HADH: variants seen among roughly 807,000 people sequenced by gnomAD.
HADH encodes the protein hydroxyacyl-coenzyme A dehydrogenase, mitochondrial.
Under a neutral mutation model 32.2 loss-of-function variants are expected in HADH, and 24 were observed. That is an observed-to-expected ratio of 0.75 (90% CI 0.54 to 1.05). The LOEUF (loss-of-function observed/expected upper bound fraction) is 1.05, where lower values mean the gene tolerates loss of function less well. Among genes scored for constraint, HADH ranks in the 50% least tolerant of loss-of-function variants. The pLI is 0.00. For synonymous variants in HADH, 139 were observed against 152.5 expected, an observed-to-expected ratio of 0.91 and a Z score of 0.65; for missense variants, 350 against 397.1, an observed-to-expected ratio of 0.88 and a Z score of 1.01.
chr4:108,011,051 G>A (rs1448420417), intron 2 of HADH, among the ~76,000 whole-genome samples: 1 of 152,022 alleles, frequency 6.6e-6, no homozygotes, highest in African/African-American at 2.4e-5. Context: ...GTTTCACCAT[G>A]TTGGCCAGGA....
At chr4:108,002,965 T>G (rs564250771) in intron 1 of HADH, among the ~76,000 whole-genome samples, 1 of 152,352 alleles carries the variant, frequency 6.6e-6, no homozygotes, top group South Asian at 2.1e-4. Flanking sequence ...ACACATTAAC[T>G]TCTTTAATCC....
chr4:108,007,146 C>T (rs1456007536), intron 1 of HADH, among the ~76,000 whole-genome samples: 1 of 151,964 alleles, frequency 6.6e-6, no homozygotes, highest in Admixed American at 6.6e-5. Context: ...TCGCTCTGTC[C>T]CTCAGGCTGG....
chr4:108,018,888 A>G (rs1487258093), intron 3 of HADH, among the ~76,000 whole-genome samples: 1 of 151,932 alleles, frequency 6.6e-6, no homozygotes, highest in African/African-American at 2.4e-5. Flanking sequence ...GTCAGTATGG[A>G]TTTTTTTTAA....
chr4:108,028,788 T>A (rs1243929214), intron 6 of HADH: 1 of 398,340 alleles, frequency 2.5e-6, no homozygotes, highest in African/African-American at 2.1e-5. Context: ...TTTTAGAATG[T>A]AGCATGTGAG....
chr4:107,999,028 C>T (rs1021570345), intron 1 of HADH, among the ~76,000 whole-genome samples: 3 of 152,166 alleles, frequency 2.0e-5, no homozygotes, highest in African/African-American at 7.2e-5. Context: ...ACAATAAATG[C>T]TTTCGCCAAT....
At position 108,019,538 on chromosome 4, in the gene HADH, A is replaced by G; in HGVS notation, c.420-2A>G. Reference sequence around the variant, plus strand: ...TACTCCCACTATATTTTCTCTTCACAGACATACAATCTTTGCCAGCAACAC... The same window carrying G: ...TACTCCCACTATATTTTCTCTTCACGGACATACAATCTTTGCCAGCAACAC... On this transcript the variant is annotated splice_acceptor_variant, in intron 3 of 7. Coordinates refer to ENST00000309522, the MANE Select transcript of HADH (RefSeq NM_005327.7). LOFTEE classifies it high-confidence loss of function. 1 of 1,613,552 alleles carries G rather than the reference A, an allele frequency of 6.2e-7. No homozygotes were observed. The highest frequency in any genetic ancestry group is 8.5e-7 in the Non-Finnish European group (1 of 1,179,462).
chr4:108,022,163 A>ATG (rs1452653535), intron 4 of HADH, among the ~76,000 whole-genome samples: 9 of 53,558 alleles, frequency 1.7e-4, no homozygotes, highest in African/African-American at 3.6e-4. Context: ...TTTTACATAT[A>ATG]TATATGTGTG....
chr4:107,995,474 G>A (rs908280341), intron 1 of HADH, among the ~76,000 whole-genome samples: 1 of 152,104 alleles, frequency 6.6e-6, no homozygotes, highest in East Asian at 1.9e-4. Flanking sequence ...CTTCACTGTC[G>A]GAAGAGTTTT....
chr4:108,009,707 G>A (rs375989890), intron 1 of HADH, 52 bp from the exon 2 acceptor site: 29 of 1,580,872 alleles, frequency 1.8e-5, no homozygotes, highest in Non-Finnish European at 2.4e-5. Context: ...GTGTGCGCGT[G>A]CGTGTTATGT....
intron 4 of HADH, among the ~76,000 whole-genome samples, chr4:108,022,201 A>ATGTGTGTGTGTGTGTGTGTGTGTGTG (rs56746496): frequency 7.2e-6 from 1 of 139,666 alleles, no homozygotes. Context: ...GTGTGTGTGT[A>ATGTGTGTGTGTGTGTGTGTGTGTGTG]TGTGTGTGTG....
chr4:108,016,814 ACT>A (rs1165582256), intron 3 of HADH, among the ~76,000 whole-genome samples: 1 of 152,136 alleles, frequency 6.6e-6, no homozygotes, highest in African/African-American at 2.4e-5. Context: ...TCTGGCTCTA[ACT>A]CTCTAAGACT....
chr4:107,994,171 A>C lies in HADH; in HGVS notation c.132+4107A>C, dbSNP rs553011860. On this transcript the variant is annotated intron_variant, in intron 1 of 7. Coordinates refer to ENST00000309522, the MANE Select transcript of HADH (RefSeq NM_005327.7). ...CTTTTTAGTGCACTACTCTTCTTTG[A>C]GGAAGTGAGAAAGTTTGCATCTTAA... Among the ~76,000 whole-genome samples the C allele has an allele frequency of 2.0e-5, 3 of 151,886 alleles. No homozygotes were observed. In the South Asian group the frequency reaches 6.2e-4, roughly 32 times the overall value.
At chr4:108,022,920 TC>T (rs1735940263) in intron 4 of HADH, among the ~76,000 whole-genome samples, 1 of 151,812 alleles carries the variant, frequency 6.6e-6, no homozygotes, top group African/African-American at 2.4e-5. Context: ...TGTAAAACTG[TC>T]CTATACACAC....
At chr4:108,012,143 C>T (rs1735519451) in intron 2 of HADH, among the ~76,000 whole-genome samples, 1 of 151,950 alleles carries the variant, frequency 6.6e-6, no homozygotes, top group African/African-American at 2.4e-5. Flanking sequence ...GTGATCCTCC[C>T]ACCTTGGCCA....
intron 1 of HADH, 91 bp downstream of exon 1, chr4:107,990,155 C>T (rs1578238176): frequency 1.5e-6 from 2 of 1,327,880 alleles, no homozygotes; most frequent in East Asian, 5.1e-5. Context: ...GGGCCTGCAC[C>T]CGCCCGACAC....
chr4:108,034,101 C>G (rs573698357), intron 7 of HADH, 138 bp from the exon 8 acceptor site: 12 of 748,186 alleles, frequency 1.6e-5, no homozygotes, highest in Non-Finnish European at 2.5e-6. Flanking sequence ...GGTGCCTCTG[C>G]AGTGGTGGCC....
At chr4:108,009,682 T>G in intron 1 of HADH, 77 bp from the exon 2 acceptor site, 1 of 1,242,576 alleles carries the variant, frequency 8.0e-7, no homozygotes. Context: ...ATGCCACTGT[T>G]TTTTGGGGTG....
intron 1 of HADH, among the ~76,000 whole-genome samples, chr4:107,996,124 G>A (rs934774984): frequency 6.6e-6 from 1 of 152,158 alleles, no homozygotes; most frequent in African/African-American, 2.4e-5. Context: ...TTTTGGTCAT[G>A]GGAGAGCTCT....
intron 6 of HADH, 134 bp downstream of exon 6, chr4:108,027,894 T>C: frequency 1.4e-6 from 1 of 711,152 alleles, no homozygotes; most frequent in South Asian, 1.4e-5. Flanking sequence ...CTTTGTGAGC[T>C]CAGCTGCACC....
Sources: gnomAD v4.1 joint callset for allele counts (sites outside exome capture counted in the v4.1 genomes callset) on GRCh38, gnomAD v4.1.1 for gene constraint, MANE v1.5 for transcripts, NCBI Gene and HGNC (gene_info 2026-07-23, HGNC 2026-07-21) for gene names.